The following CADPS variants were observed in gnomAD, a reference collection of about 807,000 sequenced individuals.
The protein encoded by CADPS is calcium dependent secretion activator.
A neutral mutation model predicts 167.3 loss-of-function variants in CADPS; 57 were observed. That is an observed-to-expected ratio of 0.34 (90% CI 0.28 to 0.42). The LOEUF is 0.42. Among genes scored for constraint, CADPS ranks in the 20% least tolerant of loss-of-function variants. The probability of loss-of-function intolerance (pLI) is 1.00; values close to 1 mark genes in which losing one functional copy is unlikely to be tolerated. For synonymous variants in CADPS, 676 were observed against 635.3 expected (o/e 1.06, Z -0.96); for missense variants, 1,414 against 1,738.1 (o/e 0.81, Z 3.32).
chr3:62,633,720 A>G (rs1191862423), intron 6 of CADPS, among the ~76,000 whole-genome samples: 2 of 152,026 alleles, frequency 1.3e-5, no homozygotes, highest in Admixed American at 6.6e-5. Context: ...TCACCACCCT[A>G]CATCTTTGCT....
At chr3:62,650,720 T>C (rs1005899387) in intron 5 of CADPS, 127 bp downstream of exon 5, 85 of 659,628 alleles carry the variant, frequency 1.3e-4, no homozygotes, top group Non-Finnish European at 2.2e-4. Flanking sequence ...GACCTAAGCT[T>C]AGCATGCTGT....
chr3:62,783,086 C>T (rs1180488854), intron 1 of CADPS, among the ~76,000 whole-genome samples: 1 of 152,060 alleles, frequency 6.6e-6, no homozygotes, highest in Non-Finnish European at 1.5e-5. Context: ...AATATAGCAT[C>T]TTACATTCCT....
At chr3:62,659,074 A>G (rs998400762) in intron 4 of CADPS, among the ~76,000 whole-genome samples, 3 of 152,116 alleles carry the variant, frequency 2.0e-5, no homozygotes, top group Non-Finnish European at 2.9e-5. Flanking sequence ...ATTTGCAATC[A>G]AAAGTGCTCT....
In CADPS at chr3:62,618,601, C is replaced by T. The variant is rs982920592; in HGVS notation, c.1326-25853G>A. 2.4e-4 allele frequency among the ~76,000 whole-genome samples: 36 copies of T among 152,144 alleles called. 1 individual carries two copies. Among genetic ancestry groups the T allele is most frequent in the Non-Finnish European group, 2.9e-5 (2 of 68,006 alleles). On this transcript the variant is annotated intron_variant, in intron 6 of 29. Transcript: ENST00000383710. Reference sequence around the variant, plus strand: ...TTTCTTCACCTGACTCCTGATTTTTCATTTGCTTCTTCCCATCTTCCATGT... The same window carrying T: ...TTTCTTCACCTGACTCCTGATTTTTTATTTGCTTCTTCCCATCTTCCATGT...
At position 62,875,087 on chromosome 3, in the gene CADPS, G is replaced by A; in HGVS notation, c.-58C>T. ...CCCGGCTTGGAGTGCAAAAGGTGGG[G>A]GGCGCTGGAGGCAGCCGGGGATCAG... is the stretch of plus-strand genomic sequence containing the variant. On this transcript the variant is annotated 5_prime_UTR_variant, in exon 1 of 30. Coordinates refer to ENST00000383710, the MANE Select transcript of CADPS (RefSeq NM_003716.4). 3 of 1,495,140 alleles carry A rather than the reference G, an allele frequency of 2.0e-6. No individual in the cohort carries two copies. The highest frequency in any genetic ancestry group is 2.0e-4 in the Middle Eastern group (1 of 5,124). The allele number at this position is 1,495,140 out of a possible 1,614,324, so 92.6% of individuals were successfully genotyped here. A position where few individuals can be genotyped will look rare whatever the true frequency, so the allele number is the denominator to read the frequency against.
At chr3:62,780,170 G>T (rs6802686) in intron 1 of CADPS, among the ~76,000 whole-genome samples, 83,234 of 152,014 alleles carry the variant, frequency 0.55, 25,676 homozygotes, top group East Asian at 0.86. Context: ...ACTGTGCCTG[G>T]CCTCAGGGGT....
chr3:62,850,228 C>G (rs886146175), intron 1 of CADPS, among the ~76,000 whole-genome samples: 4 of 136,224 alleles, frequency 2.9e-5, no homozygotes, highest in African/African-American at 1.1e-4. Flanking sequence ...AAACCAGCTC[C>G]TGGATTCATT....
At chr3:62,620,005 C>T (rs114650738) in intron 6 of CADPS, among the ~76,000 whole-genome samples, 1,560 of 151,748 alleles carry the variant, frequency 0.01, 21 homozygotes, top group African/African-American at 0.035. Context: ...AAAGACTGCT[C>T]TGTGTGGTTG....
intron 1 of CADPS, among the ~76,000 whole-genome samples, chr3:62,787,015 C>A (rs1045406786): frequency 6.6e-6 from 1 of 151,890 alleles, no homozygotes; most frequent in Non-Finnish European, 1.5e-5. Flanking sequence ...AACCTCAAGC[C>A]GGGCATAGTG....
intron 10 of CADPS, among the ~76,000 whole-genome samples, chr3:62,555,183 G>T (rs141423182): frequency 1.3e-3 from 200 of 152,302 alleles, no homozygotes; most frequent in African/African-American, 4.6e-3. Context: ...AGAAGAAGCT[G>T]CTTATTATTC....
intron 9 of CADPS, among the ~76,000 whole-genome samples, chr3:62,558,302 G>A (rs1207693559): frequency 6.6e-6 from 1 of 152,230 alleles, no homozygotes; most frequent in African/African-American, 2.4e-5. Flanking sequence ...GTGCAGGGCG[G>A]GTGCTCACAG....
In CADPS at chr3:62,735,084, T is replaced by C. The variant is rs369993526; in HGVS notation, c.888+18357A>G. On this transcript the variant is annotated intron_variant, in intron 3 of 29. Transcript: ENST00000383710. ...TATATATGTGCACAAGAAGTATTTA[T>C]AACGCATTTTTTTGTAATAGCAAAA... Among the ~76,000 whole-genome samples, 3 of 152,208 alleles carry C rather than the reference T, an allele frequency of 2.0e-5. No individual in the cohort carries two copies. The East Asian group carries it at 5.8e-4, about 29-fold the overall frequency.
At chr3:62,472,756 G>A (rs988745481) in intron 24 of CADPS, among the ~76,000 whole-genome samples, 12 of 152,370 alleles carry the variant, frequency 7.9e-5, no homozygotes, top group Admixed American at 7.2e-4. Context: ...CAAAGAAGCT[G>A]AGTGATTTGT....
chr3:62,472,551 G>A (rs1214784024), intron 24 of CADPS, among the ~76,000 whole-genome samples: 4 of 152,158 alleles, frequency 2.6e-5, no homozygotes, highest in Non-Finnish European at 5.9e-5. Context: ...GCAGTGAAGA[G>A]GTGCAGAGCA....
intron 3 of CADPS, among the ~76,000 whole-genome samples, chr3:62,715,632 C>T (rs923591782): frequency 6.6e-6 from 1 of 151,034 alleles, no homozygotes; most frequent in Non-Finnish European, 1.5e-5. Context: ...TTTAAAATAC[C>T]ACATATGACA....
At chr3:62,512,306 A>T (rs1309909909) in intron 17 of CADPS, among the ~76,000 whole-genome samples, 1 of 152,160 alleles carries the variant, frequency 6.6e-6, no homozygotes, top group Non-Finnish European at 1.5e-5. Flanking sequence ...CATGCGATAC[A>T]TACAAGAACA....
At chr3:62,788,929 GA>G (rs1468190645) in intron 1 of CADPS, among the ~76,000 whole-genome samples, 2 of 152,278 alleles carry the variant, frequency 1.3e-5, no homozygotes, top group Admixed American at 1.3e-4. Context: ...CTGCAAATAG[GA>G]AACAGAGTTG....
intron 26 of CADPS, among the ~76,000 whole-genome samples, chr3:62,460,614 G>T (rs2059222905): frequency 6.6e-6 from 1 of 152,182 alleles, no homozygotes; most frequent in African/African-American, 2.4e-5. Context: ...GATTCAGTTT[G>T]GGCTTTAGAC....
At chr3:62,680,792 A>G (rs532192741) in intron 3 of CADPS, among the ~76,000 whole-genome samples, 1 of 152,192 alleles carries the variant, frequency 6.6e-6, no homozygotes, top group South Asian at 2.1e-4. Context: ...ATACAAAACT[A>G]TGAAACCAAG....
Sources: gnomAD v4.1 joint callset for allele counts (sites outside exome capture counted in the v4.1 genomes callset) on GRCh38, gnomAD v4.1.1 for gene constraint, MANE v1.5 for transcripts, NCBI Gene and HGNC (gene_info 2026-07-23, HGNC 2026-07-21) for gene names.